PCSK1: variants seen among roughly 807,000 people sequenced by gnomAD.
PCSK1 encodes the protein neuroendocrine convertase 1.
Under a neutral mutation model 90.6 loss-of-function variants are expected in PCSK1, and 56 were observed. That is an observed-to-expected ratio of 0.62 (90% CI 0.50 to 0.77). The LOEUF is 0.77. PCSK1 is among the 30% of genes least tolerant of loss of function. The probability of loss-of-function intolerance (pLI) is 0.00; values close to 1 mark genes in which losing one functional copy is unlikely to be tolerated. For synonymous variants in PCSK1, 348 were observed against 342.4 expected (o/e 1.02, Z -0.18); for missense variants, 801 against 932.6 (o/e 0.86, Z 1.84).
chr5:96,425,003 GAAAGA>G (rs1213030558), intron 3 of PCSK1, among the ~76,000 whole-genome samples: 1 of 106,410 alleles, frequency 9.4e-6, no homozygotes, highest in Non-Finnish European at 1.8e-5. Context: ...GAAAGAGAAA[GAAAGA>G]AAAGAAAGAA....
rs891588955 is a variant in PCSK1 at position 96,408,166 on chromosome 5, T to C, written c.1196+57A>G. ...CATGTATTCAGAAAAAAAAGTGTTA[T>C]TAAAAATAAGGAGAATCAGCCTTTG... On this transcript the variant is annotated intron_variant, in intron 9 of 13. Coordinates refer to ENST00000311106, the MANE Select transcript of PCSK1 (RefSeq NM_000439.5). 36 of 1,254,914 alleles carry C rather than the reference T, an allele frequency of 2.9e-5. No individual in the cohort carries two copies. The African/African-American group carries it at 4.3e-4, about 15-fold the overall frequency. The allele number at this position is 1,254,914 out of a possible 1,614,324, so 77.7% of individuals were successfully genotyped here.
At chr5:96,407,028 C>G (rs4869284) in intron 9 of PCSK1, among the ~76,000 whole-genome samples, 28,678 of 151,914 alleles carry the variant, frequency 0.19, 3,340 homozygotes, top group Middle Eastern at 0.24. Context: ...ACATCATACA[C>G]TAAAATAAAT....
chr5:96,432,048 A>G (rs952816386), intron 1 of PCSK1: 15 of 1,463,910 alleles, frequency 1.0e-5, no homozygotes, highest in Non-Finnish European at 1.3e-5. Flanking sequence ...GACAGGCAAC[A>G]ATAAGCTGAA....
At chr5:96,412,889 G>GGGCCCC in intron 6 of PCSK1, 1 of 329,994 alleles carries the variant, frequency 3.0e-6, no homozygotes, top group Non-Finnish European at 4.6e-6. Flanking sequence ...CAAAATGTTT[G>GGGCCCC]CCCTCCCTCC....
At chr5:96,405,101 G>A (rs942750004) in intron 9 of PCSK1, among the ~76,000 whole-genome samples, 4 of 152,158 alleles carry the variant, frequency 2.6e-5, no homozygotes, top group African/African-American at 9.7e-5. Flanking sequence ...ATTGAATAGA[G>A]TTCAGAAAAA....
intron 11 of PCSK1, among the ~76,000 whole-genome samples, chr5:96,398,523 ATATC>A (rs1760243769): frequency 6.6e-6 from 1 of 152,226 alleles, no homozygotes. Flanking sequence ...TGTTTCGGAT[ATATC>A]TGTGAGTTTG....
intron 2 of PCSK1, 122 bp from the exon 3 acceptor site, chr5:96,426,052 C>T: frequency 1.4e-6 from 1 of 701,458 alleles, no homozygotes; most frequent in South Asian, 1.5e-5. Context: ...TTTCATTTGA[C>T]TACAGATTAA....
At chr5:96,418,874 T>C (rs1761019584) in intron 5 of PCSK1, among the ~76,000 whole-genome samples, 1 of 152,308 alleles carries the variant, frequency 6.6e-6, no homozygotes, top group African/African-American at 2.4e-5. Context: ...AATTGACTTG[T>C]CTCTGCTGCT....
chr5:96,392,766 C>T lies in PCSK1; in HGVS notation c.*235G>A. Reference sequence around the variant, plus strand: ...TGACTCCAGAAAGAACAAAACACTTCACTTGTGCAGACAGGAAAGATGTGT... The same window carrying T: ...TGACTCCAGAAAGAACAAAACACTTTACTTGTGCAGACAGGAAAGATGTGT... On this transcript the variant is annotated 3_prime_UTR_variant, in exon 14 of 14. Coordinates refer to ENST00000311106, the MANE Select transcript of PCSK1 (RefSeq NM_000439.5). The T allele has an allele frequency of 8.8e-6, 5 of 566,964 alleles. No homozygotes were observed. In the South Asian group the frequency reaches 1.0e-4, roughly 12 times the overall value. 35.1% of individuals were successfully genotyped at this position (566,964 alleles called of 1,614,324 possible).
chr5:96,414,000 G>T (rs1181328987), intron 6 of PCSK1, among the ~76,000 whole-genome samples: 9 of 147,614 alleles, frequency 6.1e-5, no homozygotes, highest in Non-Finnish European at 1.3e-4. Context: ...TTAGCCGGGC[G>T]TAGTGGCGGG....
rs1445805717 is a variant in PCSK1, at chr5:96,391,589, T to C, written c.*1412A>G. ...TGTTTTTCCTAATGCATTTACACTT[T>C]GTACACATTCGCTTAGTGTAGGAGT... On this transcript the variant is annotated 3_prime_UTR_variant, in exon 14 of 14. Transcript: ENST00000311106. 1 of 152,244 alleles carries C rather than the reference T, an allele frequency of 6.6e-6. No individual in the cohort carries two copies. Among genetic ancestry groups the C allele is most frequent in the Non-Finnish European group, 1.5e-5 (1 of 68,048 alleles). The allele number at this position is 152,244 out of a possible 1,614,324, so 9.4% of individuals were successfully genotyped here.
At chr5:96,406,028 T>C (rs772612753) in intron 9 of PCSK1, among the ~76,000 whole-genome samples, 50 of 152,170 alleles carry the variant, frequency 3.3e-4, no homozygotes, top group Non-Finnish European at 1.3e-4. Context: ...CTATAATCCA[T>C]AGGACCCTAT....
chr5:96,403,621 C>T (rs1002900300), intron 9 of PCSK1, among the ~76,000 whole-genome samples: 1 of 152,110 alleles, frequency 6.6e-6, no homozygotes, highest in Non-Finnish European at 1.5e-5. Context: ...GATATGTTTA[C>T]AGAAAATAAG....
chr5:96,415,889 A>G lies in PCSK1; in HGVS notation c.709+144T>C, dbSNP rs1243147214. 4 of 669,808 alleles carry G rather than the reference A, an allele frequency of 6.0e-6. No individual in the cohort carries two copies. The Admixed American group carries it at 8.8e-5, about 15-fold the overall frequency. The allele number at this position is 669,808 out of a possible 1,614,324, so 41.5% of individuals were successfully genotyped here. On this transcript the variant is annotated intron_variant, in intron 6 of 13. Transcript: ENST00000311106. ...ATATCTATTGACTCGCTGGCAAATC[A>G]TATTCAAGTCCTGTAGCAACTTTGG...
At chr5:96,411,017 G>A in intron 7 of PCSK1, 31 bp from the exon 8 acceptor site, 1 of 1,473,036 alleles carries the variant, frequency 6.8e-7, no homozygotes, top group Non-Finnish European at 9.5e-7. Context: ...CATATTATCT[G>A]TTATCATCTA....
intron 5 of PCSK1, among the ~76,000 whole-genome samples, chr5:96,421,129 T>C (rs373653410): frequency 4.1e-4 from 62 of 152,348 alleles, no homozygotes; most frequent in African/African-American, 1.4e-3. Flanking sequence ...GTGAAGTTTC[T>C]TTGGGGCTAG....
chr5:96,407,608 G>C (rs1240583188), intron 9 of PCSK1, among the ~76,000 whole-genome samples: 1 of 152,108 alleles, frequency 6.6e-6, no homozygotes, highest in Non-Finnish European at 1.5e-5. Context: ...TTTATCCTGA[G>C]GAAATTGTCA....
chr5:96,412,415 T>A lies in PCSK1; in HGVS notation c.785A>T (p.Asp262Val), dbSNP rs1411339488. 6.2e-7 allele frequency: 1 copy of A among 1,613,974 alleles called. No homozygotes were observed. The highest frequency in any genetic ancestry group is 8.5e-7 in the Non-Finnish European group (1 of 1,179,896). ...AGGGCCCCAGCTTGCACTGTAAATA[T>A]CCACGTGTCCAGGATTGAATCCAAT... ...SSIGFNPGHV[D>V]IYSASWGPND... The change falls in exon 7 of 14, where the codon GAT (aspartate) becomes GTT (valine). Residue 262 changes from aspartate to valine, a missense_variant. Physicochemically the swap from Asp to Val is radical, Grantham distance 152. Transcript: ENST00000311106.
At chr5:96,419,978 G>A (rs952186499) in intron 5 of PCSK1, among the ~76,000 whole-genome samples, 1 of 151,978 alleles carries the variant, frequency 6.6e-6, no homozygotes, top group African/African-American at 2.4e-5. Flanking sequence ...CCAGACCCAG[G>A]ATCTGCCTGG....
Sources: allele counts gnomAD v4.1 joint callset (sites outside exome capture counted in the v4.1 genomes callset), GRCh38; gene constraint gnomAD v4.1.1; transcripts MANE v1.5; gene names NCBI Gene and HGNC (gene_info 2026-07-23, HGNC 2026-07-21).